The following CTIF variants were observed in gnomAD, a reference collection of about 807,000 sequenced individuals.
CTIF encodes the protein cap binding complex dependent translation initiation factor.
A neutral mutation model predicts 66.0 loss-of-function variants in CTIF; 21 were observed. That is an observed-to-expected ratio of 0.32 (90% CI 0.23 to 0.46). CTIF has a LOEUF of 0.46. Ranked by LOEUF, CTIF falls within the 20% of genes least tolerant of loss-of-function variation. CTIF has a pLI of 1.00. For missense variants in CTIF, 739 were observed against 812.7 expected (o/e 0.91, Z 1.10); for synonymous variants, 345 against 326.4 (o/e 1.06, Z -0.62).
Position 48,859,646 on chromosome 18 carries a change from C to A in CTIF, c.*87C>A. On this transcript the variant is annotated 3_prime_UTR_variant, in exon 12 of 12. Coordinates refer to ENST00000256413, the MANE Select transcript of CTIF (RefSeq NM_014772.3). ...GGACAGGCGGGAGGACAGGGGTGGC[C>A]CTGGCGGGAGAAAGAAATGGGGAGG... 1 of 1,306,994 alleles carries A rather than the reference C, an allele frequency of 7.7e-7. No individual in the cohort carries two copies. Among genetic ancestry groups the A allele is most frequent in the Non-Finnish European group, 1.1e-6 (1 of 907,520 alleles). The allele number at this position is 1,306,994 out of a possible 1,614,324, so 81.0% of individuals were successfully genotyped here.
chr18:48,663,834 C>G lies in CTIF; in HGVS notation c.326+9C>G. On this transcript the variant is annotated intron_variant, in intron 4 of 11. Coordinates refer to ENST00000256413, the MANE Select transcript of CTIF (RefSeq NM_014772.3). Reference sequence around the variant, plus strand: ...ACCTTCGATTCCTTCAGGTAACCTCCTCCTCCCTCCTTCCCTGTGGTGTGA... The same window carrying G: ...ACCTTCGATTCCTTCAGGTAACCTCGTCCTCCCTCCTTCCCTGTGGTGTGA... 1 of 1,613,428 alleles carries G rather than the reference C, an allele frequency of 6.2e-7. No individual in the cohort carries two copies. Among genetic ancestry groups the G allele is most frequent in the Non-Finnish European group, 8.5e-7 (1 of 1,179,318 alleles).
intron 10 of CTIF, among the ~76,000 whole-genome samples, chr18:48,852,327 G>A (rs1350306235): frequency 6.7e-6 from 1 of 149,848 alleles, no homozygotes; most frequent in Non-Finnish European, 1.5e-5. Flanking sequence ...GAGTAAGTGT[G>A]GCTAGGCCCA....
At chr18:48,698,495 G>C (rs1356873152) in intron 6 of CTIF, among the ~76,000 whole-genome samples, 1 of 152,238 alleles carries the variant, frequency 6.6e-6, no homozygotes, top group Non-Finnish European at 1.5e-5. Flanking sequence ...TTACAGGCAT[G>C]AGCCACTGTG....
At chr18:48,690,083 T>G (rs2091903849) in intron 6 of CTIF, among the ~76,000 whole-genome samples, 1 of 152,194 alleles carries the variant, frequency 6.6e-6, no homozygotes, top group Non-Finnish European at 1.5e-5. Flanking sequence ...TATAAGAAGG[T>G]AGGATTCCTC....
Position 48,856,188 on chromosome 18 carries a change from G to C in CTIF, c.1528-1400G>C, listed in dbSNP as rs16950056. On this transcript the variant is annotated intron_variant, in intron 10 of 11. Coordinates refer to ENST00000256413, the MANE Select transcript of CTIF (RefSeq NM_014772.3). ...GAAGCCACGCCCAGAGAGGGTTTCA[G>C]GCACTCGGTGTCAGCACACCAGTGC... 6.2e-3 allele frequency among the ~76,000 whole-genome samples: 944 copies of C among 152,156 alleles called. 11 individuals carry two copies. The highest frequency in any genetic ancestry group is 0.019 in the Admixed American group (293 of 15,300).
intron 9 of CTIF, among the ~76,000 whole-genome samples, chr18:48,794,859 G>A (rs919255864): frequency 6.6e-6 from 1 of 152,168 alleles, no homozygotes; most frequent in African/African-American, 2.4e-5. Flanking sequence ...CTGGCAGAGA[G>A]GAGGCCCACA....
chr18:48,642,482 G>T (rs1371022792), intron 3 of CTIF, among the ~76,000 whole-genome samples: 1 of 152,192 alleles, frequency 6.6e-6, no homozygotes, highest in Non-Finnish European at 1.5e-5. Context: ...GGATGTTAGA[G>T]TAATAGTTAG....
chr18:48,832,048 G>A (rs2068702645), intron 10 of CTIF, among the ~76,000 whole-genome samples: 1 of 152,040 alleles, frequency 6.6e-6, no homozygotes, highest in African/African-American at 2.4e-5. Flanking sequence ...ACTTTTCATA[G>A]CCTCTCATAG....
At chr18:48,720,793 C>T (rs1489609258) in intron 7 of CTIF, among the ~76,000 whole-genome samples, 1 of 152,146 alleles carries the variant, frequency 6.6e-6, no homozygotes, top group Non-Finnish European at 1.5e-5. Context: ...ATCCTTTGCA[C>T]AGTGCAGCTG....
At chr18:48,849,215 T>TG (rs1835447843) in intron 10 of CTIF, among the ~76,000 whole-genome samples, 1 of 141,718 alleles carries the variant, frequency 7.1e-6, no homozygotes, top group Non-Finnish European at 1.5e-5. Flanking sequence ...TTTTTTTTTT[T>TG]GAGACAGAGT....
chr18:48,803,229 A>T (rs758002519), intron 9 of CTIF, among the ~76,000 whole-genome samples: 7 of 152,210 alleles, frequency 4.6e-5, no homozygotes, highest in Non-Finnish European at 1.0e-4. Flanking sequence ...GAAGTGGCTG[A>T]TGGCTGTTCC....
At chr18:48,574,168 G>A (rs1400201463) in intron 1 of CTIF, among the ~76,000 whole-genome samples, 1 of 152,218 alleles carries the variant, frequency 6.6e-6, no homozygotes, top group Non-Finnish European at 1.5e-5. Flanking sequence ...AAGAGGGAGG[G>A]TCTCTGTTCC....
intron 7 of CTIF, among the ~76,000 whole-genome samples, chr18:48,728,952 A>G (rs899388976): frequency 6.6e-6 from 1 of 152,052 alleles, no homozygotes; most frequent in Non-Finnish European, 1.5e-5. Flanking sequence ...TTCCTGTACC[A>G]TTGCTTTTTC....
At chr18:48,539,962 G>A (rs1459798755) in intron 1 of CTIF, 1 of 152,094 alleles carries the variant, frequency 6.6e-6, no homozygotes, top group Non-Finnish European at 1.5e-5. Context: ...CTGTGGCAGC[G>A]GGCGTGTGTG....
At chr18:48,715,979 A>G (rs1017976365) in intron 7 of CTIF, among the ~76,000 whole-genome samples, 5 of 152,198 alleles carry the variant, frequency 3.3e-5, no homozygotes, top group African/African-American at 1.2e-4. Flanking sequence ...GGGACTGCCC[A>G]AGGAAGGGAG....
chr18:48,764,594 G>T (rs139005006), intron 9 of CTIF, among the ~76,000 whole-genome samples: 1 of 152,148 alleles, frequency 6.6e-6, no homozygotes, highest in Non-Finnish European at 1.5e-5. Flanking sequence ...GAAGTCCAGG[G>T]CAAGAAGGGA....
intron 10 of CTIF, among the ~76,000 whole-genome samples, chr18:48,821,049 ATTC>A (rs911093546): frequency 2.6e-5 from 4 of 152,160 alleles, no homozygotes; most frequent in Admixed American, 6.5e-5. Context: ...CAAATTAACC[ATTC>A]TTTAAGTTAC....
chr18:48,663,736 C>A lies in CTIF; in HGVS notation c.253-16C>A, dbSNP rs748746672. 13 of 1,612,990 alleles carry A rather than the reference C, an allele frequency of 8.1e-6. No homozygotes were observed. The highest frequency in any genetic ancestry group is 3.3e-5 in the Admixed American group (2 of 59,988). On this transcript the variant is annotated splice_polypyrimidine_tract_variant and intron_variant, in intron 3 of 11. Coordinates refer to ENST00000256413, the MANE Select transcript of CTIF (RefSeq NM_014772.3). Reference sequence around the variant, plus strand: ...CGAGCAATTAATGTCAGCCCTTTCACCCCCATCTCTTCCAGAATGGCAGCA... The same window carrying A: ...CGAGCAATTAATGTCAGCCCTTTCAACCCCATCTCTTCCAGAATGGCAGCA...
intron 5 of CTIF, among the ~76,000 whole-genome samples, chr18:48,666,800 C>T (rs147067448): frequency 6.6e-6 from 1 of 152,328 alleles, no homozygotes; most frequent in East Asian, 1.9e-4. Context: ...CATTCAGTTG[C>T]AGGGAGGCCA....
Sources: allele counts gnomAD v4.1 joint callset (sites outside exome capture counted in the v4.1 genomes callset), GRCh38; gene constraint gnomAD v4.1.1; transcripts MANE v1.5; gene names NCBI Gene and HGNC (gene_info 2026-07-23, HGNC 2026-07-21).